The following DENND2D variants were observed in gnomAD, a reference collection of about 807,000 sequenced individuals.
The protein encoded by DENND2D is DENN domain-containing protein 2D.
In DENND2D, 37 loss-of-function variants were observed where a neutral mutation model predicts 59.8. The observed-to-expected ratio is 0.62, with a 90% CI of 0.48 to 0.81. The LOEUF is 0.81. Ranked by LOEUF, DENND2D falls within the 40% of genes least tolerant of loss-of-function variation. The pLI is 0.00. For synonymous variants in DENND2D, 219 were observed against 211.3 expected (o/e 1.04, Z -0.31); for missense variants, 525 against 579.7 (o/e 0.91, Z 0.97).
intron 8 of DENND2D, among the ~76,000 whole-genome samples, chr1:111,189,644 G>A (rs1177089884): frequency 6.6e-6 from 1 of 152,164 alleles, no homozygotes; most frequent in African/African-American, 2.4e-5. Context: ...GTCCCGTGAG[G>A]CAGATACAAT....
intron 8 of DENND2D, among the ~76,000 whole-genome samples, chr1:111,189,964 A>G (rs1010660911): frequency 2.0e-5 from 3 of 152,100 alleles, no homozygotes; most frequent in African/African-American, 7.2e-5. Flanking sequence ...GGAGATCGAG[A>G]CCATCCTGGC....
rs1019748686 is a variant in DENND2D at position 111,197,573 on chromosome 1, A to G, written c.427-320T>C. ...AGGTGACTTGGGGAATCCTCCTGAG[A>G]CCTAAGATTTGAAACTAATTGTCCA... On this transcript the variant is annotated intron_variant, in intron 4 of 11. Coordinates refer to ENST00000357640, the MANE Select transcript of DENND2D (RefSeq NM_024901.5). The G allele has an allele frequency of 1.4e-5, 19 of 1,357,648 alleles. No individual in the cohort carries two copies. In the African/African-American group the frequency reaches 2.5e-4, roughly 18 times the overall value. The allele number at this position is 1,357,648 out of a possible 1,614,324, so 84.1% of individuals were successfully genotyped here. A position where few individuals can be genotyped will look rare whatever the true frequency, so the allele number is the denominator to read the frequency against.
In DENND2D at chr1:111,199,812, A is replaced by G. The variant is rs778494224; in HGVS notation, c.68-14T>C. 3.1e-6 allele frequency: 5 copies of G among 1,609,190 alleles called. No individual in the cohort carries two copies. Among genetic ancestry groups the G allele is most frequent in the East Asian group, 2.2e-5 (1 of 44,844 alleles). ...CCTGGGGTGGTCCTGAAATCAAGCC[A>G]GAGCCCATTTAGTATAATCTCATTG... is the stretch of plus-strand genomic sequence containing the variant. On this transcript the variant is annotated splice_polypyrimidine_tract_variant and intron_variant, in intron 1 of 11. Coordinates refer to ENST00000357640, the MANE Select transcript of DENND2D (RefSeq NM_024901.5).
chr1:111,197,809 A>G, intron 4 of DENND2D, 111 bp downstream of exon 4: 1 of 1,540,890 alleles, frequency 6.5e-7, no homozygotes, highest in East Asian at 2.3e-5. Context: ...TGCTTTTTCT[A>G]CAACCAGTGC....
At chr1:111,204,271 C>A (rs1009071177), upstream of DENND2D, 6 of 1,464,330 alleles carry the variant, frequency 4.1e-6, no homozygotes, top group Admixed American at 9.7e-5. Flanking sequence ...GCCGTCCCCC[C>A]GCGCTCTCCC....
chr1:111,192,022 T>C lies in DENND2D; in HGVS notation c.972+118A>G, dbSNP rs1657821819. On this transcript the variant is annotated intron_variant, in intron 8 of 11. Transcript: ENST00000357640. ...ATCCCCATTTTAGAGATGAGAAAGC[T>C]CAGGCTTAAAGAGGTAAGGTAACTT... 13 of 970,640 alleles carry C rather than the reference T, an allele frequency of 1.3e-5. No homozygotes were observed. The South Asian group carries it at 3.1e-4, about 23-fold the overall frequency. The allele number at this position is 970,640 out of a possible 1,614,324, so 60.1% of individuals were successfully genotyped here.
chr1:111,189,409 T>C, intron 8 of DENND2D, 156 bp from the exon 9 acceptor site: 1 of 718,432 alleles, frequency 1.4e-6, no homozygotes, highest in South Asian at 1.8e-5. Flanking sequence ...CATTCTCCTT[T>C]CTCACCATTC....
chr1:111,202,725 A>ACACACTCC (rs1315861220), upstream of DENND2D, among the ~76,000 whole-genome samples: 680 of 149,158 alleles, frequency 4.6e-3, 5 homozygotes, highest in Middle Eastern at 0.01. Flanking sequence ...ACACACACAC[A>ACACACTCC]CTCCCTCCTA....
In DENND2D at chr1:111,197,246, C is replaced by A. The variant is rs747569552; in HGVS notation, c.434G>T (p.Gly145Val). 1.1e-5 allele frequency: 18 copies of A among 1,612,784 alleles called. No homozygotes were observed. The highest frequency in any genetic ancestry group is 3.3e-5 in the South Asian group (3 of 90,758). Residue 145 changes from glycine (G) to valine (V), a missense_variant, in exon 5 of 12, where the codon GGC becomes GTC. Around this residue, in one of 3 missense-constraint regions of DENND2D, gnomAD observed 253 missense variants for 246.4 expected, o/e 1.03. Transcript: ENST00000357640. ...CACTTTGGGAAGGCGAGGGCCAGGG[C>A]CGGCAGGCTGGGGAGGGACAGAGAG... ...IGYCRRLLPA[G>V]PGPRLPKVYC...
upstream of DENND2D, chr1:111,204,400 G>T: frequency 1.5e-6 from 2 of 1,352,074 alleles, no homozygotes; most frequent in Middle Eastern, 2.1e-4. Flanking sequence ...CGCTGGCCCC[G>T]CCCCCCTATC....
chr1:111,202,720 C>CACACACAA (rs1325806213), upstream of DENND2D, among the ~76,000 whole-genome samples: 13 of 151,788 alleles, frequency 8.6e-5, no homozygotes, highest in Admixed American at 6.6e-5. Context: ...CACACACACA[C>CACACACAA]ACACACTCCC....
intron 10 of DENND2D, 99 bp from the exon 11 acceptor site, chr1:111,188,469 G>C (rs1399067913): frequency 3.3e-6 from 5 of 1,526,822 alleles, no homozygotes; most frequent in Non-Finnish European, 4.4e-6. Context: ...AAAGCTCCTG[G>C]GGAAAGCCAT....
Position 111,200,614 on chromosome 1 carries a change from C to T in DENND2D, c.-155G>A. On this transcript the variant is annotated 5_prime_UTR_variant, in exon 1 of 12. Coordinates refer to ENST00000357640, the MANE Select transcript of DENND2D (RefSeq NM_024901.5). ...CCAGAGAGGGAATAGAAGTTTCCAT[C>T]CTGTGCACCCAGTGGTTGAGCAAGA... The T allele has an allele frequency of 2.8e-6, 4 of 1,443,316 alleles. No homozygotes were observed. The highest frequency in any genetic ancestry group is 2.6e-5 in the South Asian group (2 of 77,374). The allele number at this position is 1,443,316 out of a possible 1,614,324, so 89.4% of individuals were successfully genotyped here.
chr1:111,193,960 T>G (rs908228349), intron 7 of DENND2D, among the ~76,000 whole-genome samples: 8 of 152,220 alleles, frequency 5.3e-5, no homozygotes, highest in Admixed American at 5.2e-4. Flanking sequence ...GTGCATTATT[T>G]CATTTAATCC....
intron 5 of DENND2D, chr1:111,196,292 T>A (rs1028050831): frequency 2.3e-6 from 1 of 436,714 alleles, no homozygotes; most frequent in Non-Finnish European, 4.1e-6. Flanking sequence ...AGCTTCCTTT[T>A]TATTATCTCT....
Position 111,190,021 on chromosome 1 carries a change from G to A in DENND2D, c.973-768C>T, listed in dbSNP as rs3828098. ...CTACTAAAAACGCAAAAAATCAGCC[G>A]GGTGTGGTGGCGGGCGCCTGTAGTC... is the stretch of plus-strand genomic sequence containing the variant. On this transcript the variant is annotated intron_variant, in intron 8 of 11. Coordinates refer to ENST00000357640, the MANE Select transcript of DENND2D (RefSeq NM_024901.5). Among the ~76,000 whole-genome samples, 39 of 152,072 alleles carry A rather than the reference G, an allele frequency of 2.6e-4. 1 individual carries two copies. Among genetic ancestry groups the A allele is most frequent in the Middle Eastern group, 3.4e-3 (1 of 294 alleles).
intron 7 of DENND2D, 150 bp downstream of exon 7, chr1:111,194,428 G>A (rs1658034545): frequency 3.2e-6 from 3 of 932,212 alleles, no homozygotes; most frequent in Non-Finnish European, 4.8e-6. Flanking sequence ...CAAAACAGCT[G>A]TTTCTCTTGG....
At chr1:111,203,262 C>T (rs907460050), upstream of DENND2D, among the ~76,000 whole-genome samples, 2 of 152,256 alleles carry the variant, frequency 1.3e-5, no homozygotes, top group Non-Finnish European at 2.9e-5. Context: ...TCAGAGGTCA[C>T]TGCAGTTCAA....
chr1:111,200,356 AC>A, intron 1 of DENND2D, 36 bp downstream of exon 1: 1 of 1,601,264 alleles, frequency 6.2e-7, no homozygotes, highest in Non-Finnish European at 8.5e-7. Flanking sequence ...TAAGAGGGTC[AC>A]CCTAAAAACA....
Sources: allele counts gnomAD v4.1 joint callset (sites outside exome capture counted in the v4.1 genomes callset), GRCh38; gene constraint gnomAD v4.1.1; regional missense constraint gnomAD v4.1.1; transcripts MANE v1.5; gene names NCBI Gene and HGNC (gene_info 2026-07-23, HGNC 2026-07-21).